Variants in LRRC3B observed in about 807,000 individuals in gnomAD.
The protein encoded by LRRC3B is leucine-rich repeat-containing protein 3B.
Under a neutral mutation model 12.8 loss-of-function variants are expected in LRRC3B, and 2 were observed. The observed-to-expected ratio is 0.16, with a 90% CI of 0.06 to 0.49. LRRC3B has a LOEUF of 0.49. Ranked by LOEUF, LRRC3B falls within the 20% of genes least tolerant of loss-of-function variation. The probability of loss-of-function intolerance (pLI) is 0.96; values close to 1 mark genes in which losing one functional copy is unlikely to be tolerated. For synonymous variants in LRRC3B, 132 were observed against 122.0 expected (o/e 1.08, Z -0.54); for missense variants, 189 against 319.4 (o/e 0.59, Z 3.11).
intron 1 of LRRC3B, chr3:26,701,293 C>A (rs773161570): frequency 6.6e-6 from 1 of 152,088 alleles, no homozygotes; most frequent in Admixed American, 6.6e-5. Context: ...CACTCCACCC[C>A]CAGGTGAGCA....
At chr3:26,678,047 G>C (rs1032443002) in intron 1 of LRRC3B, among the ~76,000 whole-genome samples, 1 of 151,954 alleles carries the variant, frequency 6.6e-6, no homozygotes, top group Admixed American at 6.6e-5. Flanking sequence ...AAACTCCTGG[G>C]TTCAAGTGAC....
At chr3:26,674,555 CTATT>C (rs1334671260) in intron 1 of LRRC3B, among the ~76,000 whole-genome samples, 13 of 152,168 alleles carry the variant, frequency 8.5e-5, no homozygotes, top group Non-Finnish European at 4.4e-5. Flanking sequence ...AACATTCTAT[CTATT>C]CAATTCCTGA....
chr3:26,685,729 A>G (rs1700074653), intron 1 of LRRC3B, among the ~76,000 whole-genome samples: 1 of 151,698 alleles, frequency 6.6e-6, no homozygotes, highest in Non-Finnish European at 1.5e-5. Flanking sequence ...CATATACAAT[A>G]ATTCAGAAAG....
chr3:26,669,945 G>T (rs1001469706), intron 1 of LRRC3B, among the ~76,000 whole-genome samples: 2 of 152,166 alleles, frequency 1.3e-5, no homozygotes, highest in African/African-American at 4.8e-5. Context: ...ACATTCCAAT[G>T]TTCATCACAT....
chr3:26,691,481 C>T (rs999354546), intron 1 of LRRC3B, among the ~76,000 whole-genome samples: 10 of 152,102 alleles, frequency 6.6e-5, no homozygotes, highest in Non-Finnish European at 1.0e-4. Context: ...AAGCTGCTTA[C>T]CCACCTCACT....
At chr3:26,696,609 C>T (rs965025608) in intron 1 of LRRC3B, among the ~76,000 whole-genome samples, 1 of 152,154 alleles carries the variant, frequency 6.6e-6, no homozygotes, top group African/African-American at 2.4e-5. Flanking sequence ...ACTAGCTTTG[C>T]TTTTCACTGT....
chr3:26,685,960 A>G (rs953227486), intron 1 of LRRC3B, among the ~76,000 whole-genome samples: 7 of 152,292 alleles, frequency 4.6e-5, no homozygotes, highest in African/African-American at 1.7e-4. Context: ...CTCAGATAGG[A>G]AATACCAAGT....
intron 1 of LRRC3B, among the ~76,000 whole-genome samples, chr3:26,670,463 G>A (rs1308519811): frequency 4.6e-5 from 7 of 151,980 alleles, no homozygotes; most frequent in South Asian, 4.2e-4. Context: ...TTATATCTTC[G>A]GGGAAATTAT....
intron 1 of LRRC3B, among the ~76,000 whole-genome samples, chr3:26,633,029 T>C (rs57526802): frequency 0.13 from 19,153 of 152,138 alleles, 2,040 homozygotes; most frequent in East Asian, 0.35. Flanking sequence ...TTGTAGAGTT[T>C]ACAAGCATAT....
chr3:26,639,379 A>G (rs920461254), intron 1 of LRRC3B, among the ~76,000 whole-genome samples: 2 of 152,100 alleles, frequency 1.3e-5, no homozygotes, highest in African/African-American at 4.8e-5. Flanking sequence ...TACTTGACCT[A>G]TATTTAGAGT....
chr3:26,692,962 T>G (rs554172052), intron 1 of LRRC3B, among the ~76,000 whole-genome samples: 179 of 152,284 alleles, frequency 1.2e-3, no homozygotes, highest in African/African-American at 4.1e-3. Flanking sequence ...AACAACAGGC[T>G]TCTCCTTTAT....
rs1373534446 is a variant in LRRC3B, at chr3:26,705,823, C to T, written c.-160-3690C>T. On this transcript the variant is annotated intron_variant, in intron 1 of 1. Coordinates refer to ENST00000396641, the Ensembl canonical transcript of LRRC3B. ...CCTCATACCTTCCTTTTCCAACAGC[C>T]ACTGTTGACCTAGCTAGTAATATAA... 2.0e-5 allele frequency among the ~76,000 whole-genome samples: 3 copies of T among 152,094 alleles called. No individual in the cohort carries two copies. The East Asian group carries it at 5.8e-4, about 29-fold the overall frequency.
intron 1 of LRRC3B, among the ~76,000 whole-genome samples, chr3:26,698,427 A>G (rs557945555): frequency 1.3e-5 from 2 of 152,226 alleles, no homozygotes; most frequent in South Asian, 4.1e-4. Flanking sequence ...ATGAGATGCA[A>G]TTGCAGAGAA....
At chr3:26,662,311 T>G (rs1699508073) in intron 1 of LRRC3B, among the ~76,000 whole-genome samples, 1 of 152,146 alleles carries the variant, frequency 6.6e-6, no homozygotes, top group Non-Finnish European at 1.5e-5. Context: ...AAGAAAAATA[T>G]TCTTGTTTGC....
chr3:26,679,435 A>G (rs1586711), intron 1 of LRRC3B, among the ~76,000 whole-genome samples: 152,284 of 152,334 alleles, frequency 1, 76,117 homozygotes, highest in Middle Eastern at 1. Context: ...TCAACTTTTC[A>G]CTTTTCTTCA....
chr3:26,635,210 C>A (rs548610108), intron 1 of LRRC3B, among the ~76,000 whole-genome samples: 234 of 152,268 alleles, frequency 1.5e-3, no homozygotes, highest in Non-Finnish European at 2.6e-3. Context: ...CATTTCCTGC[C>A]AGTTTCTGGA....
chr3:26,637,305 T>C (rs1488910246), intron 1 of LRRC3B, among the ~76,000 whole-genome samples: 1 of 152,196 alleles, frequency 6.6e-6, no homozygotes, highest in Non-Finnish European at 1.5e-5. Flanking sequence ...AAGAACCAAC[T>C]GGTTTCTAGA....
exon 1 of LRRC3B, chr3:26,623,053 G>T (rs1314102771): frequency 6.6e-6 from 1 of 151,872 alleles, no homozygotes; most frequent in Non-Finnish European, 1.5e-5. Flanking sequence ...CAACGCCGCC[G>T]CCTTCGCCGG....
intron 1 of LRRC3B, among the ~76,000 whole-genome samples, chr3:26,671,373 T>TATATATAGAG (rs1261897533): frequency 1.8e-4 from 5 of 28,254 alleles, no homozygotes; most frequent in Admixed American, 6.9e-4. Flanking sequence ...TATATATATA[T>TATATATAGAG]AGAGAGAGAG....
Sources: gnomAD v4.1 joint callset for allele counts (sites outside exome capture counted in the v4.1 genomes callset) on GRCh38, gnomAD v4.1.1 for gene constraint, MANE v1.5 for transcripts, NCBI Gene and HGNC (gene_info 2026-07-23, HGNC 2026-07-21) for gene names.